TIAM2: variants seen among roughly 807,000 people sequenced by gnomAD.
TIAM2 encodes TIAM Rac1 associated GEF 2, also known as rho guanine nucleotide exchange factor TIAM2.
In TIAM2, 80 loss-of-function variants were observed where a neutral mutation model predicts 152.9. The ratio of observed to expected loss-of-function variants is 0.52; its 90% CI spans 0.44 to 0.63. The LOEUF (loss-of-function observed/expected upper bound fraction) is 0.63, where lower values mean the gene tolerates loss of function less well. TIAM2 is among the 30% of genes least tolerant of loss of function. The pLI is 0.00. For synonymous variants in TIAM2, 804 were observed against 838.0 expected, an observed-to-expected ratio of 0.96 and a Z score of 0.70; for missense variants, 1,965 against 2,120.1, an observed-to-expected ratio of 0.93 and a Z score of 1.44.
At chr6:155,049,386 A>G (rs1400889811) in intron 1 of TIAM2, among the ~76,000 whole-genome samples, 6 of 152,036 alleles carry the variant, frequency 3.9e-5, no homozygotes, top group Admixed American at 2.6e-4. Context: ...CCTGGACTTT[A>G]TTGCAGCCTT....
rs1396474566 is a variant in TIAM2 at position 155,148,107 on chromosome 6, T to A, written c.1804-3T>A. 6.2e-7 allele frequency: 1 copy of A among 1,613,744 alleles called. No individual in the cohort carries two copies. Among genetic ancestry groups the A allele is most frequent in the Non-Finnish European group, 8.5e-7 (1 of 1,179,968 alleles). The stretch of plus-strand genomic sequence containing the variant: ...AACAGGCTTTCTCCCTCCCTGTGTG[T>A]AGGCCACCAGCCAGACAGATCTAGA... On this transcript the variant is annotated splice_region_variant and splice_polypyrimidine_tract_variant and intron_variant, in intron 6 of 26. Coordinates refer to ENST00000682666, the MANE Select transcript of TIAM2 (RefSeq NM_012454.4).
intron 20 of TIAM2, among the ~76,000 whole-genome samples, chr6:155,249,410 G>A (rs747219524): frequency 3.3e-5 from 5 of 152,202 alleles, no homozygotes; most frequent in Non-Finnish European, 5.9e-5. Flanking sequence ...GCTTGGGTTT[G>A]AAGCCTGGCT....
In TIAM2 at chr6:155,256,979, G is replaced by A. The variant is rs146855918; in HGVS notation, c.4964G>A (p.Arg1655His). The change falls in exon 27 of 27, where the codon CGT becomes CAT. Residue 1655 changes from arginine to histidine, a missense_variant. Physicochemically the swap from Arg to His is conservative, Grantham distance 29. Coordinates refer to ENST00000682666, the MANE Select transcript of TIAM2 (RefSeq NM_012454.4). ...GGAACTTTGCTCAAGGCGCAGATCC[G>A]TCACCAGTCCCTTGACAGTCAGTCT... ...DRGTLLKAQI[R>H]HQSLDSQSEN... 1.2e-4 allele frequency: 200 copies of A among 1,614,024 alleles called. No homozygotes were observed. Among genetic ancestry groups the A allele is most frequent in the African/African-American group, 2.7e-4 (20 of 74,906 alleles).
chr6:155,054,105 G>C (rs887826416), intron 1 of TIAM2, among the ~76,000 whole-genome samples: 19 of 152,290 alleles, frequency 1.2e-4, no homozygotes, highest in African/African-American at 4.3e-4. Flanking sequence ...CCTGGGAGGC[G>C]GAAGTGTCAG....
Position 155,137,709 on chromosome 6 carries a change from C to T in TIAM2, c.1630+97C>T, listed in dbSNP as rs1779588662. ...CAAGAGACTAGCATTGATTTGAGTTCACATGAGGGGTTTGACACAGGATCC... is the reference window on the plus strand; with the variant it reads ...CAAGAGACTAGCATTGATTTGAGTTTACATGAGGGGTTTGACACAGGATCC... On this transcript the variant is annotated intron_variant, in intron 5 of 26. Transcript: ENST00000682666. 8.1e-6 allele frequency: 11 copies of T among 1,349,726 alleles called. No individual in the cohort carries two copies. The Admixed American group carries it at 2.9e-4, about 36-fold the overall frequency. The allele number at this position is 1,349,726 out of a possible 1,614,324, so 83.6% of individuals were successfully genotyped here.
At chr6:155,124,273 G>A (rs772700274) in intron 2 of TIAM2, among the ~76,000 whole-genome samples, 22 of 152,078 alleles carry the variant, frequency 1.4e-4, no homozygotes, top group Non-Finnish European at 2.2e-4. Context: ...CATCTGCCTC[G>A]GATTCCCAAA....
chr6:155,246,824 G>C lies in TIAM2; in HGVS notation c.3652+1093G>C, dbSNP rs142978342. Among the ~76,000 whole-genome samples, 1,151 of 152,324 alleles carry C rather than the reference G, an allele frequency of 7.6e-3. 16 individuals are homozygous for C. The highest frequency in any genetic ancestry group is 0.026 in the African/African-American group (1,094 of 41,558). On this transcript the variant is annotated intron_variant, in intron 19 of 26. Coordinates refer to ENST00000682666, the MANE Select transcript of TIAM2 (RefSeq NM_012454.4). ...TGGTAATCACATTCAAAATGGTATT[G>C]CATCTCCTAGAATGTTGTAGATTTT...
At chr6:155,180,555 C>T (rs77987180) in intron 12 of TIAM2, among the ~76,000 whole-genome samples, 3,007 of 152,098 alleles carry the variant, frequency 0.02, 98 homozygotes, top group African/African-American at 0.068. Context: ...AGGATGCCTT[C>T]GTTTTTTAAA....
chr6:155,005,073 G>A, intron 1 of TIAM2: 1 of 390,076 alleles, frequency 2.6e-6, no homozygotes, highest in Non-Finnish European at 4.5e-6. Context: ...CACCAGAGTA[G>A]AAGGCTTGGA....
chr6:155,239,592 G>A (rs756026665), intron 15 of TIAM2, among the ~76,000 whole-genome samples: 4 of 152,266 alleles, frequency 2.6e-5, no homozygotes, highest in South Asian at 2.1e-4. Context: ...TTGAGAAGGC[G>A]GAAGCACATG....
intron 1 of TIAM2, among the ~76,000 whole-genome samples, chr6:155,053,202 TTACAG>T (rs1261835112): frequency 1.3e-5 from 2 of 152,276 alleles, no homozygotes; most frequent in African/African-American, 2.4e-5. Flanking sequence ...TATTAAGACA[TTACAG>T]TAAAGTATAT....
chr6:155,008,179 C>T (rs1221318197), intron 1 of TIAM2, among the ~76,000 whole-genome samples: 2 of 152,024 alleles, frequency 1.3e-5, no homozygotes, highest in Non-Finnish European at 2.9e-5. Flanking sequence ...TATAAAAGTA[C>T]ATTTATATTT....
chr6:155,225,087 C>T (rs1490298112), intron 15 of TIAM2, among the ~76,000 whole-genome samples: 3 of 152,180 alleles, frequency 2.0e-5, no homozygotes, highest in Non-Finnish European at 4.4e-5. Context: ...TCGCATGTAG[C>T]TGGGATTACA....
At chr6:155,094,733 T>TG (rs201542217) in intron 2 of TIAM2, among the ~76,000 whole-genome samples, 19,817 of 147,488 alleles carry the variant, frequency 0.13, 1,521 homozygotes, top group Admixed American at 0.23. Flanking sequence ...GGTTTTTTTT[T>TG]TTTTGTTTTT....
Position 155,256,518 on chromosome 6 carries a change from C to G in TIAM2, c.4503C>G (p.Ser1501=). Residue 1501 remains serine, a synonymous_variant, in exon 27 of 27, where the codon TCC becomes TCG. Transcript: ENST00000682666. ...SSRSLKVLKN[S]SSNEWTGETG... ...GGTCTTTAAAAGTCCTGAAGAATTCCTCCAGCAACGAGTGGACCGGTGAGA... is the reference window on the plus strand; with the variant it reads ...GGTCTTTAAAAGTCCTGAAGAATTCGTCCAGCAACGAGTGGACCGGTGAGA... 1 of 1,614,186 alleles carries G rather than the reference C, an allele frequency of 6.2e-7. No homozygotes were observed. The highest frequency in any genetic ancestry group is 8.5e-7 in the Non-Finnish European group (1 of 1,180,036).
Position 155,133,984 on chromosome 6 carries a change from T to A in TIAM2, c.1195-3193T>A, listed in dbSNP as rs1779501988. Among the ~76,000 whole-genome samples, 4 of 152,326 alleles carry A rather than the reference T, an allele frequency of 2.6e-5. No homozygotes were observed. The South Asian group carries it at 8.3e-4, about 32-fold the overall frequency. On this transcript the variant is annotated intron_variant, in intron 4 of 26. Transcript: ENST00000682666. ...CACCCTCCTCGGCCTCCCAAAGTGCTGGGATAACAGGCGTGAGCCACCTGG... is the reference window on the plus strand; with the variant it reads ...CACCCTCCTCGGCCTCCCAAAGTGCAGGGATAACAGGCGTGAGCCACCTGG...
At chr6:155,026,079 T>G (rs564311170) in intron 1 of TIAM2, among the ~76,000 whole-genome samples, 1 of 152,246 alleles carries the variant, frequency 6.6e-6, no homozygotes, top group South Asian at 2.1e-4. Flanking sequence ...CTGATAATGA[T>G]AGGCTGGATT....
At chr6:155,002,094 G>A (rs949950147) in intron 1 of TIAM2, among the ~76,000 whole-genome samples, 1 of 152,188 alleles carries the variant, frequency 6.6e-6, no homozygotes, top group African/African-American at 2.4e-5. Flanking sequence ...ATATTGTTTT[G>A]AGGATTGAGA....
chr6:155,117,856 C>T (rs1779051443), intron 2 of TIAM2, among the ~76,000 whole-genome samples: 1 of 152,270 alleles, frequency 6.6e-6, no homozygotes, highest in Non-Finnish European at 1.5e-5. Context: ...TCTCACACTT[C>T]TGTCCCTCAT....
Sources: allele counts gnomAD v4.1 joint callset (sites outside exome capture counted in the v4.1 genomes callset), GRCh38; gene constraint gnomAD v4.1.1; transcripts MANE v1.5; gene names NCBI Gene and HGNC (gene_info 2026-07-23, HGNC 2026-07-21).